The following SLC26A2 variants were observed in gnomAD, a reference collection of about 807,000 sequenced individuals.
SLC26A2 encodes the protein solute carrier family 26 member 2.
A neutral mutation model predicts 41.1 loss-of-function variants in SLC26A2; 36 were observed. That is an observed-to-expected ratio of 0.88 (90% CI 0.67 to 1.16). SLC26A2 has a LOEUF of 1.16. SLC26A2 is among the 50% of genes most tolerant of loss of function. The probability of loss-of-function intolerance (pLI) is 0.00; values close to 1 mark genes in which losing one functional copy is unlikely to be tolerated. For synonymous variants in SLC26A2, 291 were observed against 311.6 expected (o/e 0.93, Z 0.70); for missense variants, 796 against 869.6 (o/e 0.92, Z 1.07).
In SLC26A2 at chr5:149,977,874, G is replaced by A. The variant is rs377685351; in HGVS notation, c.222G>A (p.Leu74=). ...TNFKEFVIKK[L]QKNCQCSPAK... ...TCAAGGAGTTTGTTATTAAAAAGCT[G>A]CAGAAGAATTGCCAGTGCAGTCCAG... The change falls in exon 2 of 3, where the codon CTG becomes CTA. Residue 74 remains leucine, a synonymous_variant. Coordinates refer to ENST00000286298, the MANE Select transcript of SLC26A2 (RefSeq NM_000112.4). 2 of 1,614,068 alleles carry A rather than the reference G, an allele frequency of 1.2e-6. No individual in the cohort carries two copies. Among genetic ancestry groups the A allele is most frequent in the African/African-American group, 1.3e-5 (1 of 74,936 alleles).
At chr5:149,963,936 G>A (rs1314515602) in intron 1 of SLC26A2, among the ~76,000 whole-genome samples, 1 of 151,976 alleles carries the variant, frequency 6.6e-6, no homozygotes, top group Admixed American at 6.6e-5. Context: ...GGTGTCATTT[G>A]AGGTTGGGCA....
At chr5:149,978,418 T>G in intron 2 of SLC26A2, 67 bp downstream of exon 2, 20 of 1,197,310 alleles carry the variant, frequency 1.7e-5, no homozygotes, top group Non-Finnish European at 2.2e-5. Flanking sequence ...CTCATATCTC[T>G]AAGGGATCTG....
At position 149,981,431 on chromosome 5, in the gene SLC26A2, GGAA is replaced by G. The variant is rs768995164; in HGVS notation, c.1843_1845del (p.Lys615del). ...AACCCAATCTTAATAAAGGTGGCTTGGAAGAAGGCAGCAAAGAGAAAGATCAAA... is the reference window on the plus strand; with the variant it reads ...AACCCAATCTTAATAAAGGTGGCTTGGAAGGCAGCAAAGAGAAAGATCAAA... On this transcript the variant is annotated inframe_deletion, in exon 3 of 3. Coordinates refer to ENST00000286298, the MANE Select transcript of SLC26A2 (RefSeq NM_000112.4). The G allele has an allele frequency of 1.5e-5, 25 of 1,614,040 alleles. No individual in the cohort carries two copies. The highest frequency in any genetic ancestry group is 2.1e-5 in the Non-Finnish European group (25 of 1,179,982).
At position 149,983,665 on chromosome 5, in the gene SLC26A2, C is replaced by T. The variant is rs1755144057; in HGVS notation, c.*1852C>T. On this transcript the variant is annotated 3_prime_UTR_variant, in exon 3 of 3. Transcript: ENST00000286298. ...GATGATAGCTTACTGAAGCTTCCCA[C>T]TCCTGGGCTCAAGTTATCCTTCCAT... 1 of 152,082 alleles carries T rather than the reference C, an allele frequency of 6.6e-6. No individual in the cohort carries two copies. The highest frequency in any genetic ancestry group is 2.4e-5 in the African/African-American group (1 of 41,318). 9.4% of individuals were successfully genotyped at this position (152,082 alleles called of 1,614,324 possible). A position where few individuals can be genotyped will look rare whatever the true frequency, so the allele number is the denominator to read the frequency against.
At chr5:149,971,296 A>G (rs1241213157) in intron 1 of SLC26A2, among the ~76,000 whole-genome samples, 1 of 152,210 alleles carries the variant, frequency 6.6e-6, no homozygotes, top group African/African-American at 2.4e-5. Context: ...TAGTGCTGTG[A>G]TCTTCCCTGG....
rs1275000748 is a variant in SLC26A2, at chr5:149,983,910, C to T, written c.*2097C>T. Reference sequence around the variant, plus strand: ...TATTTTTAATCTCTCTTGCCCTTCTCCCAAGGCAGGCTTAAGTTGAGACTA... The same window carrying T: ...TATTTTTAATCTCTCTTGCCCTTCTTCCAAGGCAGGCTTAAGTTGAGACTA... On this transcript the variant is annotated 3_prime_UTR_variant, in exon 3 of 3. Coordinates refer to ENST00000286298, the MANE Select transcript of SLC26A2 (RefSeq NM_000112.4). 1.3e-5 allele frequency: 2 copies of T among 152,204 alleles called. No individual in the cohort carries two copies. The highest frequency in any genetic ancestry group is 4.8e-5 in the African/African-American group (2 of 41,444). 9.4% of individuals were successfully genotyped at this position (152,204 alleles called of 1,614,324 possible). A position where few individuals can be genotyped will look rare whatever the true frequency, so the allele number is the denominator to read the frequency against.
intron 1 of SLC26A2, among the ~76,000 whole-genome samples, chr5:149,967,226 A>G (rs1422284498): frequency 6.6e-6 from 1 of 152,220 alleles, no homozygotes; most frequent in East Asian, 1.9e-4. Flanking sequence ...TCCCCTTCAG[A>G]TAAGAATTAG....
intron 1 of SLC26A2, among the ~76,000 whole-genome samples, chr5:149,975,219 C>A (rs1281551732): frequency 6.6e-6 from 1 of 152,062 alleles, no homozygotes; most frequent in African/African-American, 2.4e-5. Context: ...TTTTTGAGTT[C>A]ATCGATTCTT....
chr5:149,969,362 A>G (rs542982990), intron 1 of SLC26A2, among the ~76,000 whole-genome samples: 1 of 152,290 alleles, frequency 6.6e-6, no homozygotes, highest in South Asian at 2.1e-4. Context: ...TATTTTTCCA[A>G]TTTTGGCTTC....
Position 149,978,159 on chromosome 5 carries a change from C to G in SLC26A2, c.507C>G (p.Cys169Trp). ...CTGTGGGCATTTTTGGAGTACTGTGCCTTATGATTGGTGAGACAGTTGACC... is the reference window on the plus strand; with the variant it reads ...CTGTGGGCATTTTTGGAGTACTGTGGCTTATGATTGGTGAGACAGTTGACC... ...HISVGIFGVLCLMIGETVDRE... is the reference protein window; with the variant it reads ...HISVGIFGVLWLMIGETVDRE... Residue 169 changes from cysteine (C) to tryptophan (W), a missense_variant, in exon 2 of 3, where the codon TGC (cysteine) becomes TGG (tryptophan). Physicochemically the swap from Cys to Trp is radical, Grantham distance 215. Coordinates refer to ENST00000286298, the MANE Select transcript of SLC26A2 (RefSeq NM_000112.4). 6.2e-7 allele frequency: 1 copy of G among 1,611,778 alleles called. No homozygotes were observed. Among genetic ancestry groups the G allele is most frequent in the Admixed American group, 1.7e-5 (1 of 59,946 alleles).
chr5:149,981,877 C>A lies in SLC26A2; in HGVS notation c.*64C>A. ...AAAATTTCAAGTGTCCAACATTTCC[C>A]AGTTCCACAGTGGGAAATTTTGCAC... On this transcript the variant is annotated 3_prime_UTR_variant, in exon 3 of 3. Transcript: ENST00000286298. 2 of 1,301,186 alleles carry A rather than the reference C, an allele frequency of 1.5e-6. No individual in the cohort carries two copies. The highest frequency in any genetic ancestry group is 1.2e-5 in the South Asian group (1 of 80,156). 80.6% of individuals were successfully genotyped at this position (1,301,186 alleles called of 1,614,324 possible). A position where few individuals can be genotyped will look rare whatever the true frequency, so the allele number is the denominator to read the frequency against.
intron 1 of SLC26A2, among the ~76,000 whole-genome samples, chr5:149,961,715 A>C (rs1754709456): frequency 6.6e-6 from 1 of 152,116 alleles, no homozygotes; most frequent in Non-Finnish European, 1.5e-5. Flanking sequence ...CCTTGTCCCC[A>C]ACAGTTCTTT....
intron 1 of SLC26A2, among the ~76,000 whole-genome samples, chr5:149,971,031 G>A (rs926822488): frequency 1.3e-5 from 2 of 152,238 alleles, no homozygotes; most frequent in Admixed American, 6.5e-5. Flanking sequence ...AGCTGGAGAA[G>A]GCTTGTTGAC....
intron 1 of SLC26A2, among the ~76,000 whole-genome samples, chr5:149,968,093 C>T (rs1754837387): frequency 6.6e-6 from 1 of 151,210 alleles, no homozygotes; most frequent in African/African-American, 2.4e-5. Context: ...TGAAGAGTAT[C>T]AGAACTTAAT....
At chr5:149,969,667 G>T (rs909637795) in intron 1 of SLC26A2, among the ~76,000 whole-genome samples, 1 of 152,182 alleles carries the variant, frequency 6.6e-6, no homozygotes, top group South Asian at 2.1e-4. Context: ...GGTAACTGTA[G>T]CTTAGAGGAT....
At position 149,966,533 on chromosome 5, in the gene SLC26A2, G is replaced by C. The variant is rs1014059551; in HGVS notation, c.-26+5554G>C. ...AGTTTTAAATGGCCTAGATTTCTTA[G>C]GAAAATCCCAGTACAGGTTGAGTAT... On this transcript the variant is annotated intron_variant, in intron 1 of 2. Coordinates refer to ENST00000286298, the MANE Select transcript of SLC26A2 (RefSeq NM_000112.4). Among the ~76,000 whole-genome samples, 5 of 152,230 alleles carry C rather than the reference G, an allele frequency of 3.3e-5. No individual in the cohort carries two copies. In the South Asian group the frequency reaches 1.0e-3, roughly 32 times the overall value.
rs1451397720 is a variant in SLC26A2 at position 149,982,596 on chromosome 5, T to G, written c.*783T>G. The G allele has an allele frequency of 3.9e-5, 6 of 152,232 alleles. No individual in the cohort carries two copies. Among genetic ancestry groups the G allele is most frequent in the Non-Finnish European group, 7.3e-5 (5 of 68,030 alleles). 9.4% of individuals were successfully genotyped at this position (152,232 alleles called of 1,614,324 possible). A position where few individuals can be genotyped will look rare whatever the true frequency, so the allele number is the denominator to read the frequency against. On this transcript the variant is annotated 3_prime_UTR_variant, in exon 3 of 3. Coordinates refer to ENST00000286298, the MANE Select transcript of SLC26A2 (RefSeq NM_000112.4). ...TTTCTGTGATCTCTGTCCTTGTTTC[T>G]GAGACTTTCTCTACCATTAAGCTCT...
rs1755188200 is a variant in SLC26A2 at position 149,985,740 on chromosome 5, G to GT, written c.*3928dup. ...TTACAGATGAGCCATACGTTTCTTT[G>GT]TATCAATGTAGACATGACTTCAGAT... is the stretch of plus-strand genomic sequence containing the variant. On this transcript the variant is annotated 3_prime_UTR_variant, in exon 3 of 3. Coordinates refer to ENST00000286298, the MANE Select transcript of SLC26A2 (RefSeq NM_000112.4). 6.6e-6 allele frequency: 1 copy of GT among 152,104 alleles called. No homozygotes were observed. Among genetic ancestry groups the GT allele is most frequent in the Non-Finnish European group, 1.5e-5 (1 of 68,020 alleles). 9.4% of individuals were successfully genotyped at this position (152,104 alleles called of 1,614,324 possible).
Position 149,977,723 on chromosome 5 carries a change from C to G in SLC26A2, c.71C>G (p.Pro24Arg). 1 of 1,614,004 alleles carries G rather than the reference C, an allele frequency of 6.2e-7. No individual in the cohort carries two copies. The highest frequency in any genetic ancestry group is 8.5e-7 in the Non-Finnish European group (1 of 1,179,902). The change falls in exon 2 of 3, where the codon CCA becomes CGA. Residue 24 changes from proline to arginine, a missense_variant. Physicochemically the swap from Pro to Arg is moderately radical, Grantham distance 103. Transcript: ENST00000286298. ...RDSAEGNDSY[P>R]SGIHLELQRE... is the part of the protein sequence containing the mutation. ...TCAGCTGAAGGAAATGACAGTTATC[C>G]ATCTGGGATCCATCTGGAACTTCAA...
Sources: allele counts gnomAD v4.1 joint callset (sites outside exome capture counted in the v4.1 genomes callset), GRCh38; gene constraint gnomAD v4.1.1; transcripts MANE v1.5; gene names NCBI Gene and HGNC (gene_info 2026-07-23, HGNC 2026-07-21).